The following PEBP4 variants were observed in gnomAD, a reference collection of about 807,000 sequenced individuals.
PEBP4 encodes the protein phosphatidylethanolamine binding protein 4, also known as phosphatidylethanolamine-binding protein 4.
Under a neutral mutation model 23.9 loss-of-function variants are expected in PEBP4, and 22 were observed. The observed-to-expected ratio is 0.92, with a 90% confidence interval of 0.66 to 1.31. The LOEUF is 1.31. Ranked by LOEUF, PEBP4 falls within the 40% of genes most tolerant of loss-of-function variation. The pLI is 0.00. For missense variants in PEBP4, 324 were observed against 281.7 expected (o/e 1.15, Z -1.07); for synonymous variants, 112 against 99.3 (o/e 1.13, Z -0.76).
At chr8:22,765,730 C>G (rs1031411248) in intron 4 of PEBP4, among the ~76,000 whole-genome samples, 1 of 152,272 alleles carries the variant, frequency 6.6e-6, no homozygotes, top group South Asian at 2.1e-4. Flanking sequence ...AACAGATATT[C>G]GCTCCACGCT....
In PEBP4 at chr8:22,920,283, C is replaced by T; in HGVS notation, c.159G>A (p.Leu53=). ...GAACAACCTTGCAGCCAATGTTCCC[C>T]AACTCTGGGTAGAAAACTTCAAGGC... ...CQGLEVFYPE[L]GNIGCKVVPD... is the part of the protein sequence containing the mutation. Residue 53 remains leucine (L), a synonymous_variant, in exon 3 of 7, where the codon TTG becomes TTA. Coordinates refer to ENST00000256404, the MANE Select transcript of PEBP4 (RefSeq NM_144962.3). 1.2e-6 allele frequency: 2 copies of T among 1,613,492 alleles called. No individual in the cohort carries two copies. The highest frequency in any genetic ancestry group is 1.7e-6 in the Non-Finnish European group (2 of 1,179,546).
At chr8:22,728,504 C>T (rs1320599270) in intron 4 of PEBP4, among the ~76,000 whole-genome samples, 4 of 151,936 alleles carry the variant, frequency 2.6e-5, no homozygotes, top group African/African-American at 9.7e-5. Context: ...ATCTTTCCTT[C>T]CTTCCTTCAT....
chr8:22,924,382 C>CA (rs1180478681), intron 2 of PEBP4, among the ~76,000 whole-genome samples: 1 of 152,024 alleles, frequency 6.6e-6, no homozygotes, highest in Non-Finnish European at 1.5e-5. Context: ...TGTATTTAAA[C>CA]AGGAGAGACC....
chr8:22,777,410 G>A (rs1301555946), intron 4 of PEBP4, among the ~76,000 whole-genome samples: 1 of 152,180 alleles, frequency 6.6e-6, no homozygotes. Context: ...CTGGGCTGGA[G>A]CCCAGGGTGG....
At chr8:22,877,433 C>A (rs1280892515) in intron 3 of PEBP4, among the ~76,000 whole-genome samples, 1 of 152,190 alleles carries the variant, frequency 6.6e-6, no homozygotes. Flanking sequence ...TGCCCTGACT[C>A]CAGTAGCCCA....
intron 4 of PEBP4, among the ~76,000 whole-genome samples, chr8:22,753,321 A>G (rs1805307065): frequency 6.6e-6 from 1 of 152,172 alleles, no homozygotes; most frequent in African/African-American, 2.4e-5. Context: ...GCAGGTTTCC[A>G]GAAACTATCT....
At chr8:22,934,416 T>A (rs1284038827) in intron 1 of PEBP4, among the ~76,000 whole-genome samples, 1 of 152,062 alleles carries the variant, frequency 6.6e-6, no homozygotes, top group East Asian at 1.9e-4. Context: ...GTAATTCCCA[T>A]GGTAACCACA....
chr8:22,795,134 T>C (rs1806217014), intron 4 of PEBP4, among the ~76,000 whole-genome samples: 1 of 90,982 alleles, frequency 1.1e-5, no homozygotes, highest in South Asian at 4.5e-4. Flanking sequence ...TGTATATATA[T>C]GTGTGTGTGT....
intron 4 of PEBP4, among the ~76,000 whole-genome samples, chr8:22,737,866 G>A (rs374159809): frequency 1.3e-5 from 2 of 152,158 alleles, no homozygotes; most frequent in Non-Finnish European, 2.9e-5. Context: ...CTGAAGTCCC[G>A]CAGCGCCGTC....
chr8:22,809,481 G>T (rs889029196), intron 4 of PEBP4, among the ~76,000 whole-genome samples: 2 of 152,082 alleles, frequency 1.3e-5, no homozygotes, highest in Admixed American at 6.5e-5. Flanking sequence ...CTAGGTGGTG[G>T]GTGTGGAACC....
At chr8:22,831,013 A>C (rs1427521140) in intron 3 of PEBP4, among the ~76,000 whole-genome samples, 2 of 152,196 alleles carry the variant, frequency 1.3e-5, no homozygotes, top group African/African-American at 2.4e-5. Context: ...CAACCAGCCC[A>C]CTGTCCTTGT....
chr8:22,730,530 T>A (rs1243842003), intron 4 of PEBP4, among the ~76,000 whole-genome samples: 1 of 152,198 alleles, frequency 6.6e-6, no homozygotes, highest in Non-Finnish European at 1.5e-5. Flanking sequence ...AGTGAGACAC[T>A]GTCTCAAAAC....
At chr8:22,917,235 T>A (rs1809096954) in intron 3 of PEBP4, among the ~76,000 whole-genome samples, 1 of 152,154 alleles carries the variant, frequency 6.6e-6, no homozygotes, top group Non-Finnish European at 1.5e-5. Flanking sequence ...CACCAACTCG[T>A]GCCCTTCTCC....
chr8:22,731,708 G>C (rs1039649044), intron 4 of PEBP4, among the ~76,000 whole-genome samples: 19 of 151,746 alleles, frequency 1.3e-4, no homozygotes, highest in South Asian at 2.1e-4. Flanking sequence ...GCCCAGGCTG[G>C]AGTGCAGTGG....
chr8:22,798,282 G>A (rs1298156806), intron 4 of PEBP4, among the ~76,000 whole-genome samples: 1 of 152,154 alleles, frequency 6.6e-6, no homozygotes, highest in African/African-American at 2.4e-5. Flanking sequence ...TTCCTAGAGA[G>A]AGATAGTAAA....
intron 4 of PEBP4, among the ~76,000 whole-genome samples, chr8:22,789,813 T>G (rs530230450): frequency 1.3e-5 from 2 of 152,344 alleles, no homozygotes; most frequent in African/African-American, 4.8e-5. Context: ...CGCCTCCCAC[T>G]CTGCTAACCC....
chr8:22,792,547 T>C (rs1410569278), intron 4 of PEBP4, among the ~76,000 whole-genome samples: 5 of 152,222 alleles, frequency 3.3e-5, no homozygotes, highest in Non-Finnish European at 1.5e-5. Flanking sequence ...CTCATCCCAG[T>C]CATAACCAAA....
At chr8:22,884,341 T>C (rs563297459) in intron 3 of PEBP4, 129 of 152,314 alleles carry the variant, frequency 8.5e-4, no homozygotes, top group African/African-American at 2.9e-3. Context: ...CAAGGATGAC[T>C]AGAAAGTTGT....
At chr8:22,840,839 C>T (rs1281310959) in intron 3 of PEBP4, among the ~76,000 whole-genome samples, 2 of 152,122 alleles carry the variant, frequency 1.3e-5, no homozygotes, top group Non-Finnish European at 2.9e-5. Context: ...GCCTGACACA[C>T]ATGAGACAAA....
Sources: gnomAD v4.1 joint callset for allele counts (sites outside exome capture counted in the v4.1 genomes callset) on GRCh38, gnomAD v4.1.1 for gene constraint, MANE v1.5 for transcripts, NCBI Gene and HGNC (gene_info 2026-07-23, HGNC 2026-07-21) for gene names.